PBX3: variants seen among roughly 807,000 people sequenced by gnomAD.
The protein encoded by PBX3 is pre-B-cell leukemia transcription factor 3.
Under a neutral mutation model 48.5 loss-of-function variants are expected in PBX3, and 14 were observed. That is an observed-to-expected ratio of 0.29 (90% CI 0.19 to 0.45). PBX3 has a LOEUF of 0.45. Among genes scored for constraint, PBX3 ranks in the 20% least tolerant of loss-of-function variants. PBX3 has a pLI of 1.00. For synonymous variants in PBX3, 210 were observed against 200.3 expected, an observed-to-expected ratio of 1.05 and a Z score of -0.41; for missense variants, 386 against 546.7, an observed-to-expected ratio of 0.71 and a Z score of 2.93.
chr9:125,888,539 G>A (rs1005727240), intron 2 of PBX3, among the ~76,000 whole-genome samples: 1 of 145,940 alleles, frequency 6.9e-6, no homozygotes, highest in African/African-American at 2.6e-5. Flanking sequence ...TTTTTTGGGA[G>A]GGATACGATT....
intron 2 of PBX3, among the ~76,000 whole-genome samples, chr9:125,848,909 G>A (rs1839503133): frequency 6.6e-6 from 1 of 151,920 alleles, no homozygotes; most frequent in Non-Finnish European, 1.5e-5. Flanking sequence ...GTATCTATTA[G>A]CTTTTATATG....
At chr9:125,836,980 A>G (rs891892409) in intron 2 of PBX3, among the ~76,000 whole-genome samples, 1 of 152,234 alleles carries the variant, frequency 6.6e-6, no homozygotes, top group African/African-American at 2.4e-5. Flanking sequence ...GGAAGTATCT[A>G]TCAAAATTTA....
chr9:125,807,667 G>A (rs941502081), intron 2 of PBX3, among the ~76,000 whole-genome samples: 1 of 152,048 alleles, frequency 6.6e-6, no homozygotes, highest in Non-Finnish European at 1.5e-5. Flanking sequence ...GCCCTTAATA[G>A]ATACTCTAGA....
intron 2 of PBX3, among the ~76,000 whole-genome samples, chr9:125,793,434 CTT>C (rs918810427): frequency 1.5e-5 from 2 of 134,912 alleles, no homozygotes; most frequent in Admixed American, 7.5e-5. Flanking sequence ...GGCTTTTTTC[CTT>C]TTTTTTTGGT....
At chr9:125,818,733 C>G (rs1177660773) in intron 2 of PBX3, among the ~76,000 whole-genome samples, 1 of 151,956 alleles carries the variant, frequency 6.6e-6, no homozygotes. Flanking sequence ...GGCTCAAAAA[C>G]CTGCCCGCCT....
intron 2 of PBX3, among the ~76,000 whole-genome samples, chr9:125,801,031 A>G (rs1283625744): frequency 6.6e-6 from 1 of 152,186 alleles, no homozygotes; most frequent in Non-Finnish European, 1.5e-5. Context: ...GATTACAGGC[A>G]TGAGCCACCG....
chr9:125,843,702 G>A, intron 2 of PBX3: 1 of 414,628 alleles, frequency 2.4e-6, no homozygotes, highest in Admixed American at 2.6e-5. Flanking sequence ...TTCCGTCTCT[G>A]TTATGCTTTT....
At chr9:125,791,353 C>T (rs1403677555) in intron 2 of PBX3, among the ~76,000 whole-genome samples, 1 of 124,928 alleles carries the variant, frequency 8.0e-6, no homozygotes, top group Non-Finnish European at 1.7e-5. Flanking sequence ...CTATCTCTGT[C>T]AATCATCTGT....
intron 3 of PBX3, among the ~76,000 whole-genome samples, chr9:125,924,454 G>C (rs1362360545): frequency 6.6e-6 from 1 of 152,124 alleles, no homozygotes; most frequent in African/African-American, 2.4e-5. Context: ...ACTATTTTTT[G>C]ATATTACACC....
chr9:125,839,951 GT>G (rs1490179341), intron 2 of PBX3, among the ~76,000 whole-genome samples: 1 of 152,152 alleles, frequency 6.6e-6, no homozygotes, highest in Non-Finnish European at 1.5e-5. Context: ...AACCTGTACA[GT>G]GTTCTATTAT....
intron 2 of PBX3, among the ~76,000 whole-genome samples, chr9:125,836,261 T>G (rs757469042): frequency 7.9e-5 from 12 of 152,118 alleles, no homozygotes; most frequent in Non-Finnish European, 1.8e-4. Flanking sequence ...CTGGCCAACA[T>G]GGTGAAATCC....
At chr9:125,936,694 G>A (rs1010528826) in intron 5 of PBX3, among the ~76,000 whole-genome samples, 1 of 152,044 alleles carries the variant, frequency 6.6e-6, no homozygotes, top group Non-Finnish European at 1.5e-5. Flanking sequence ...AAACTCAAGA[G>A]CAAACTTTGA....
chr9:125,777,606 T>A (rs1041884852), intron 2 of PBX3, among the ~76,000 whole-genome samples: 3 of 151,984 alleles, frequency 2.0e-5, no homozygotes, highest in African/African-American at 7.3e-5. Flanking sequence ...TCAGGCAATC[T>A]GCCCGCCTCG....
intron 2 of PBX3, among the ~76,000 whole-genome samples, chr9:125,843,362 G>A (rs963103841): frequency 2.6e-5 from 4 of 152,126 alleles, no homozygotes; most frequent in African/African-American, 7.2e-5. Flanking sequence ...CCCTACGGAT[G>A]TAGATGTTAA....
chr9:125,752,940 C>G (rs1352842008), intron 2 of PBX3, among the ~76,000 whole-genome samples: 1 of 151,996 alleles, frequency 6.6e-6, no homozygotes, highest in Non-Finnish European at 1.5e-5. Context: ...TTTTAATGAA[C>G]TTATTTTCAA....
At position 125,792,038 on chromosome 9, in the gene PBX3, ACACACACG is replaced by A. The variant is rs759057151; in HGVS notation, c.274+43419_274+43426del. Among the ~76,000 whole-genome samples, 682 of 116,480 alleles carry A rather than the reference ACACACACG, an allele frequency of 5.9e-3. 4 individuals are homozygous for A. Among genetic ancestry groups the A allele is most frequent in the African/African-American group, 0.02 (520 of 26,388 alleles). 76.4% of individuals were successfully genotyped at this position (116,480 alleles called of 152,430 possible). Reference sequence around the variant, plus strand: ...GTGAGAGAATGGATTAATACTACACACACACACGCACGCACGCACGCACGCACGCACGC... The same window carrying A: ...GTGAGAGAATGGATTAATACTACACACACGCACGCACGCACGCACGCACGC... On this transcript the variant is annotated intron_variant, in intron 2 of 8. Coordinates refer to ENST00000373489, the MANE Select transcript of PBX3 (RefSeq NM_006195.6).
At chr9:125,859,475 T>A in intron 2 of PBX3, among the ~76,000 whole-genome samples, 1 of 152,336 alleles carries the variant, frequency 6.6e-6, no homozygotes, top group African/African-American at 2.4e-5. Context: ...TTTATGCTTA[T>A]GTTTGGTGCT....
chr9:125,791,364 C>CATCT (rs148673228), intron 2 of PBX3, among the ~76,000 whole-genome samples: 2,991 of 142,848 alleles, frequency 0.021, 168 homozygotes, highest in East Asian at 0.17. Context: ...AATCATCTGT[C>CATCT]ATCTATCTAT....
intron 2 of PBX3, among the ~76,000 whole-genome samples, chr9:125,848,215 T>C (rs1461476720): frequency 6.6e-6 from 1 of 152,082 alleles, no homozygotes; most frequent in Non-Finnish European, 1.5e-5. Flanking sequence ...CACTATCTCA[T>C]GAACAATGAT....
Sources: allele counts gnomAD v4.1 joint callset (sites outside exome capture counted in the v4.1 genomes callset), GRCh38; gene constraint gnomAD v4.1.1; transcripts MANE v1.5; gene names NCBI Gene and HGNC (gene_info 2026-07-23, HGNC 2026-07-21).